The following GPC5 variants were observed in gnomAD, a reference collection of about 807,000 sequenced individuals.
GPC5 encodes glypican-5.
In GPC5, 47 loss-of-function variants were observed where a neutral mutation model predicts 53.9. That is an observed-to-expected ratio of 0.87 (90% confidence interval 0.69 to 1.11). The LOEUF is 1.11. GPC5 is among the 50% of genes most tolerant of loss of function. GPC5 has a pLI of 0.00. For synonymous variants in GPC5, 286 were observed against 263.3 expected (o/e 1.09, Z -0.84); for missense variants, 748 against 713.1 (o/e 1.05, Z -0.56).
In GPC5 at chr13:91,758,782, A is replaced by C. The variant is rs569832066; in HGVS notation, c.1280+2362A>C. ...CACCACAGACTCCTGTCTATTAGCT[A>C]CTTCCAAGTGCATAGAGACTCCAGT... On this transcript the variant is annotated intron_variant, in intron 5 of 7. Transcript: ENST00000377067. Among the ~76,000 whole-genome samples, 5 of 152,168 alleles carry C rather than the reference A, an allele frequency of 3.3e-5. No individual in the cohort carries two copies. In the South Asian group the frequency reaches 1.0e-3, roughly 32 times the overall value.
chr13:92,219,619 G>C (rs2042434696), intron 7 of GPC5, among the ~76,000 whole-genome samples: 1 of 152,178 alleles, frequency 6.6e-6, no homozygotes, highest in South Asian at 2.1e-4. Context: ...CCCTCCCTCA[G>C]TCAGTCAGGC....
intron 7 of GPC5, among the ~76,000 whole-genome samples, chr13:92,532,936 A>G (rs1030057320): frequency 2.0e-5 from 3 of 152,138 alleles, no homozygotes; most frequent in African/African-American, 7.2e-5. Context: ...TATTAAGCTG[A>G]CATTTTTTTA....
chr13:92,115,495 C>T (rs2041593233), intron 6 of GPC5, among the ~76,000 whole-genome samples: 1 of 152,144 alleles, frequency 6.6e-6, no homozygotes, highest in Admixed American at 6.5e-5. Context: ...CAGAATGAGA[C>T]TCCATCTCAA....
chr13:92,787,506 G>A (rs1421014638), intron 7 of GPC5, among the ~76,000 whole-genome samples: 1 of 151,342 alleles, frequency 6.6e-6, no homozygotes, highest in Admixed American at 6.6e-5. Flanking sequence ...AAATTAGAAG[G>A]TAATAAACTT....
intron 2 of GPC5, among the ~76,000 whole-genome samples, chr13:91,466,798 A>G (rs1352520931): frequency 1.3e-5 from 2 of 152,114 alleles, no homozygotes; most frequent in African/African-American, 2.4e-5. Flanking sequence ...ACTGATTTAC[A>G]ATGTCCTCAT....
chr13:92,067,073 C>T (rs1302566441), intron 6 of GPC5, among the ~76,000 whole-genome samples: 1 of 152,016 alleles, frequency 6.6e-6, no homozygotes, highest in East Asian at 1.9e-4. Flanking sequence ...TGTTTGTAAC[C>T]ACTGTTGCTG....
At chr13:92,435,102 A>G (rs1877248811) in intron 7 of GPC5, among the ~76,000 whole-genome samples, 1 of 152,060 alleles carries the variant, frequency 6.6e-6, no homozygotes, top group Non-Finnish European at 1.5e-5. Flanking sequence ...TTTAGTAGAG[A>G]CGGGGTTTCA....
chr13:91,860,903 A>C (rs972403576), intron 5 of GPC5, among the ~76,000 whole-genome samples: 6 of 152,200 alleles, frequency 3.9e-5, no homozygotes, highest in African/African-American at 1.4e-4. Flanking sequence ...ATCGAGGTGC[A>C]GATGTTTATT....
intron 1 of GPC5, among the ~76,000 whole-genome samples, chr13:91,414,850 G>T (rs574590831): frequency 2.6e-5 from 4 of 152,150 alleles, no homozygotes; most frequent in African/African-American, 7.2e-5. Flanking sequence ...AGGTGGGTTG[G>T]GGGGTGGAGG....
At chr13:91,876,599 C>T (rs1467696790) in intron 5 of GPC5, among the ~76,000 whole-genome samples, 1 of 152,228 alleles carries the variant, frequency 6.6e-6, no homozygotes, top group African/African-American at 2.4e-5. Context: ...TTCTAAGCAG[C>T]AAAGCATTCA....
intron 7 of GPC5, among the ~76,000 whole-genome samples, chr13:92,770,843 G>T (rs1875585870): frequency 1.3e-5 from 2 of 152,128 alleles, no homozygotes; most frequent in Non-Finnish European, 1.5e-5. Context: ...GCAGGCTATG[G>T]GAGAGCACCA....
chr13:91,679,218 T>C (rs1566603481), intron 2 of GPC5, among the ~76,000 whole-genome samples: 1 of 152,150 alleles, frequency 6.6e-6, no homozygotes, highest in Non-Finnish European at 1.5e-5. Context: ...CTGAGGTACA[T>C]GTGCAGAACA....
intron 7 of GPC5, among the ~76,000 whole-genome samples, chr13:92,469,146 G>T (rs2139419556): frequency 6.6e-6 from 1 of 152,176 alleles, no homozygotes; most frequent in Middle Eastern, 3.4e-3. Context: ...TTTTGTTAAA[G>T]ACATTTTTAC....
intron 2 of GPC5, among the ~76,000 whole-genome samples, chr13:91,608,549 T>C (rs1447776140): frequency 1.3e-5 from 2 of 152,158 alleles, no homozygotes; most frequent in Non-Finnish European, 2.9e-5. Context: ...TTGTCCCTTA[T>C]GGGTGCTTTG....
At chr13:92,352,276 A>G (rs1336526809) in intron 7 of GPC5, among the ~76,000 whole-genome samples, 2 of 152,244 alleles carry the variant, frequency 1.3e-5, no homozygotes, top group Non-Finnish European at 2.9e-5. Flanking sequence ...TTATGTAAAA[A>G]TGTCAAAAAA....
At chr13:92,318,708 GT>G (rs1421599015) in intron 7 of GPC5, among the ~76,000 whole-genome samples, 1 of 152,116 alleles carries the variant, frequency 6.6e-6, no homozygotes, top group African/African-American at 2.4e-5. Context: ...GTATCAATCA[GT>G]TAATGTTATA....
chr13:92,865,970 C>A (rs543584271), intron 7 of GPC5, among the ~76,000 whole-genome samples: 3 of 152,070 alleles, frequency 2.0e-5, no homozygotes, highest in Non-Finnish European at 4.4e-5. Flanking sequence ...AATCCCATAC[C>A]TAGGATATAT....
chr13:92,347,370 G>A (rs938029164), intron 7 of GPC5, among the ~76,000 whole-genome samples: 4 of 152,162 alleles, frequency 2.6e-5, no homozygotes, highest in African/African-American at 9.7e-5. Flanking sequence ...GGCCAGGAAA[G>A]AGTGGGATGA....
chr13:92,163,545 C>G (rs1358596272), intron 7 of GPC5, among the ~76,000 whole-genome samples: 1 of 150,626 alleles, frequency 6.6e-6, no homozygotes, highest in Non-Finnish European at 1.5e-5. Context: ...ACTGAGTATT[C>G]TATTTCCCCA....
Sources: allele counts gnomAD v4.1 joint callset (sites outside exome capture counted in the v4.1 genomes callset), GRCh38; gene constraint gnomAD v4.1.1; transcripts MANE v1.5; gene names NCBI Gene and HGNC (gene_info 2026-07-23, HGNC 2026-07-21).